KCNU1: variants seen among roughly 807,000 people sequenced by gnomAD.
KCNU1 encodes potassium calcium-activated channel subfamily U member 1, also known as potassium channel subfamily U member 1.
KCNU1 carries 93 observed loss-of-function variants against 126.8 expected under a neutral mutation model. That is an observed-to-expected ratio of 0.73 (90% CI 0.62 to 0.87). The LOEUF (loss-of-function observed/expected upper bound fraction) is 0.87, where lower values mean the gene tolerates loss of function less well. Among genes scored for constraint, KCNU1 ranks in the 40% least tolerant of loss-of-function variants. KCNU1 has a pLI of 0.00. For synonymous variants in KCNU1, 523 were observed against 494.2 expected, an observed-to-expected ratio of 1.06 and a Z score of -0.77; for missense variants, 1,330 against 1,367.1, an observed-to-expected ratio of 0.97 and a Z score of 0.43.
At chr8:36,793,245 C>T (rs1017961648) in intron 2 of KCNU1, among the ~76,000 whole-genome samples, 1 of 151,606 alleles carries the variant, frequency 6.6e-6, no homozygotes, top group African/African-American at 2.4e-5. Context: ...AGGAGATATA[C>T]CTAATGTAAA....
intron 18 of KCNU1, among the ~76,000 whole-genome samples, chr8:36,857,968 A>T (rs908793592): frequency 1.3e-5 from 2 of 151,972 alleles, no homozygotes; most frequent in South Asian, 4.2e-4. Flanking sequence ...CATTTGCTAT[A>T]TGTTCACAGA....
intron 24 of KCNU1, 40 bp downstream of exon 24, chr8:36,922,669 C>A: frequency 6.3e-7 from 1 of 1,598,992 alleles, no homozygotes; most frequent in Non-Finnish European, 8.5e-7. Context: ...AAACCAAGCC[C>A]TCTGCAGAGA....
chr8:36,808,919 A>G (rs1163684169), intron 7 of KCNU1, 126 bp downstream of exon 7: 1 of 638,882 alleles, frequency 1.6e-6, no homozygotes, highest in East Asian at 2.8e-5. Context: ...GTGTCTTTCT[A>G]CTTCCCATTT....
chr8:36,844,053 T>C (rs1430219359), intron 16 of KCNU1, among the ~76,000 whole-genome samples: 1 of 152,136 alleles, frequency 6.6e-6, no homozygotes, highest in Non-Finnish European at 1.5e-5. Context: ...ATATTTAATA[T>C]GAGTTCAGAG....
At chr8:36,869,138 C>T (rs1806011969) in intron 19 of KCNU1, among the ~76,000 whole-genome samples, 1 of 152,094 alleles carries the variant, frequency 6.6e-6, no homozygotes, top group South Asian at 2.1e-4. Flanking sequence ...TGACTAATAA[C>T]ACCATAACCA....
At chr8:36,931,315 TCA>T (rs765032158) in intron 25 of KCNU1, among the ~76,000 whole-genome samples, 170 bp downstream of exon 25, 10 of 152,054 alleles carry the variant, frequency 6.6e-5, no homozygotes, top group Non-Finnish European at 1.3e-4. Context: ...ATTTTACAAA[TCA>T]CAGTGTGTTA....
chr8:36,837,205 A>G (rs1563286444), intron 14 of KCNU1, among the ~76,000 whole-genome samples: 1 of 152,116 alleles, frequency 6.6e-6, no homozygotes, highest in Non-Finnish European at 1.5e-5. Flanking sequence ...CTTCCTACCT[A>G]CAGTCCAGGA....
intron 20 of KCNU1, 110 bp from the exon 21 acceptor site, chr8:36,909,201 G>A: frequency 9.8e-6 from 7 of 714,860 alleles, no homozygotes; most frequent in Non-Finnish European, 1.5e-5. Flanking sequence ...CCTTATGAAA[G>A]TAGAGCTGTG....
At chr8:36,896,113 T>C (rs1370875438) in intron 19 of KCNU1, among the ~76,000 whole-genome samples, 1 of 151,858 alleles carries the variant, frequency 6.6e-6, no homozygotes, top group African/African-American at 2.4e-5. Context: ...TAAAAATTAT[T>C]TTTTTATTAG....
intron 19 of KCNU1, among the ~76,000 whole-genome samples, chr8:36,887,462 T>G (rs1196116080): frequency 4.2e-4 from 63 of 150,566 alleles, no homozygotes; most frequent in Non-Finnish European, 8.3e-4. Flanking sequence ...GTTTTTTTTT[T>G]TTTTTTTGGA....
At chr8:36,820,873 T>G (rs937069639) in intron 10 of KCNU1, among the ~76,000 whole-genome samples, 9 of 152,294 alleles carry the variant, frequency 5.9e-5, no homozygotes, top group Middle Eastern at 6.8e-3. Context: ...GCAAAGGGGC[T>G]GCAAAGAAGC....
At chr8:36,891,021 T>C (rs11992225) in intron 19 of KCNU1, among the ~76,000 whole-genome samples, 5,541 of 151,828 alleles carry the variant, frequency 0.036, 357 homozygotes, top group African/African-American at 0.13. Flanking sequence ...TTTATTAGTG[T>C]AATCTATTTA....
chr8:36,801,693 C>CAT (rs1196550424), intron 2 of KCNU1, among the ~76,000 whole-genome samples: 4 of 151,950 alleles, frequency 2.6e-5, no homozygotes, highest in South Asian at 2.1e-4. Flanking sequence ...TATACACACA[C>CAT]ATATATATAT....
At chr8:36,813,045 G>A (rs560609213) in intron 7 of KCNU1, among the ~76,000 whole-genome samples, 1 of 152,262 alleles carries the variant, frequency 6.6e-6, no homozygotes, top group South Asian at 2.1e-4. Context: ...AAATCTGTGT[G>A]ACTTAAATTT....
chr8:36,847,241 T>C (rs1805183424), intron 18 of KCNU1, among the ~76,000 whole-genome samples: 1 of 152,238 alleles, frequency 6.6e-6, no homozygotes, highest in African/African-American at 2.4e-5. Context: ...AGTTCACATG[T>C]AATAATTGCA....
intron 18 of KCNU1, among the ~76,000 whole-genome samples, chr8:36,860,471 A>G (rs1442195907): frequency 6.6e-6 from 1 of 152,122 alleles, no homozygotes; most frequent in Non-Finnish European, 1.5e-5. Context: ...CTTCTTCTTA[A>G]TGGAATTAGA....
At chr8:36,907,223 G>A (rs959864969) in intron 20 of KCNU1, among the ~76,000 whole-genome samples, 3 of 152,110 alleles carry the variant, frequency 2.0e-5, no homozygotes, top group Non-Finnish European at 4.4e-5. Flanking sequence ...ATTTGCAAAA[G>A]GGTCAAGTAG....
rs1448476301 is a variant in KCNU1, at chr8:36,836,784, A to G, written c.1366-9A>G. The G allele has an allele frequency of 1.9e-5, 31 of 1,613,328 alleles. No individual in the cohort carries two copies. The highest frequency in any genetic ancestry group is 2.7e-5 in the African/African-American group (2 of 74,930). ...CCTAATGTTTGACCTGCTTTGTGCT[A>G]TGGAACAGGTTTATCTGCCAAAGAT... On this transcript the variant is annotated splice_polypyrimidine_tract_variant and intron_variant, in intron 13 of 26. Coordinates refer to ENST00000399881, the MANE Select transcript of KCNU1 (RefSeq NM_001031836.3).
intron 19 of KCNU1, among the ~76,000 whole-genome samples, chr8:36,890,251 T>C (rs761468750): frequency 6.6e-6 from 1 of 152,096 alleles, no homozygotes; most frequent in Non-Finnish European, 1.5e-5. Context: ...TGAATTAATT[T>C]TTTTTATTTT....
Sources: gnomAD v4.1 joint callset for allele counts (sites outside exome capture counted in the v4.1 genomes callset) on GRCh38, gnomAD v4.1.1 for gene constraint, MANE v1.5 for transcripts, NCBI Gene and HGNC (gene_info 2026-07-23, HGNC 2026-07-21) for gene names.